Variants in SH3BGRL2 observed in about 807,000 individuals in gnomAD.
The protein encoded by SH3BGRL2 is SH3 domain-binding glutamic acid-rich-like protein 2.
In SH3BGRL2, 21 loss-of-function variants were observed where a neutral mutation model predicts 14.8. That is an observed-to-expected ratio of 1.42 (90% confidence interval 1.01 to 2.05). The LOEUF (loss-of-function observed/expected upper bound fraction) is 2.05, where lower values mean the gene tolerates loss of function less well. Among genes scored for constraint, SH3BGRL2 ranks in the 30% most tolerant of loss-of-function variants. The probability of loss-of-function intolerance (pLI) is 0.00; values close to 1 mark genes in which losing one functional copy is unlikely to be tolerated. For missense variants in SH3BGRL2, 147 were observed against 130.8 expected (o/e 1.12, Z -0.61); for synonymous variants, 50 against 47.8 (o/e 1.05, Z -0.19).
chr6:79,645,973 T>G (rs1029054489), intron 1 of SH3BGRL2, among the ~76,000 whole-genome samples: 1 of 152,242 alleles, frequency 6.6e-6, no homozygotes, highest in Non-Finnish European at 1.5e-5. Context: ...TTGAAAATAG[T>G]TGATCATACC....
intron 1 of SH3BGRL2, among the ~76,000 whole-genome samples, chr6:79,652,319 G>A (rs1295946786): frequency 3.3e-5 from 5 of 152,142 alleles, no homozygotes; most frequent in African/African-American, 9.7e-5. Context: ...CTTTTATAGC[G>A]ACTTTACTGA....
the SH3BGRL2 span, among the ~76,000 whole-genome samples, chr6:79,599,611 T>A: frequency 1.3e-5 from 2 of 152,164 alleles, no homozygotes. Context: ...CCTCAGGTGA[T>A]CCACCCTATA....
At chr6:79,592,828 G>A in the SH3BGRL2 span, among the ~76,000 whole-genome samples, 2 of 152,098 alleles carry the variant, frequency 1.3e-5, no homozygotes, top group South Asian at 2.1e-4. Context: ...TAGATATGAG[G>A]ACCCTGAGAT....
chr6:79,565,617 T>A, the SH3BGRL2 span, among the ~76,000 whole-genome samples: 7 of 152,158 alleles, frequency 4.6e-5, no homozygotes, highest in African/African-American at 1.7e-4. Context: ...TGTGTGGGAT[T>A]TTTCTGAGCA....
chr6:79,563,285 GTA>G, the SH3BGRL2 span, among the ~76,000 whole-genome samples: 1 of 149,858 alleles, frequency 6.7e-6, no homozygotes, highest in Non-Finnish European at 1.5e-5. Context: ...CCTCATTTTT[GTA>G]TTTTTAATAG....
chr6:79,632,266 A>T (rs989348416), intron 1 of SH3BGRL2, among the ~76,000 whole-genome samples: 3 of 152,168 alleles, frequency 2.0e-5, no homozygotes, highest in South Asian at 2.1e-4. Flanking sequence ...GAGAAAAAAA[A>T]TTTTTTTAAA....
At chr6:79,577,928 T>C in the SH3BGRL2 span, among the ~76,000 whole-genome samples, 17 of 152,340 alleles carry the variant, frequency 1.1e-4, no homozygotes, top group African/African-American at 3.8e-4. Flanking sequence ...AATGCAATGC[T>C]TTTCCCAAGG....
At chr6:79,588,386 T>A in the SH3BGRL2 span, among the ~76,000 whole-genome samples, 1 of 151,986 alleles carries the variant, frequency 6.6e-6, no homozygotes, top group Non-Finnish European at 1.5e-5. Flanking sequence ...GTTATTTTAG[T>A]AAGTTGGTAT....
chr6:79,684,947 T>A (rs1020380969), intron 2 of SH3BGRL2, among the ~76,000 whole-genome samples: 18 of 152,196 alleles, frequency 1.2e-4, no homozygotes, highest in African/African-American at 4.3e-4. Flanking sequence ...AGTTGAGTAG[T>A]AGAGAGGGTG....
At chr6:79,560,246 A>G in the SH3BGRL2 span, among the ~76,000 whole-genome samples, 1 of 152,238 alleles carries the variant, frequency 6.6e-6, no homozygotes, top group African/African-American at 2.4e-5. Context: ...GGGGACAAAT[A>G]CAAATCAAAA....
chr6:79,601,565 A>ACCCTTTAAAAC, the SH3BGRL2 span, among the ~76,000 whole-genome samples: 1 of 152,224 alleles, frequency 6.6e-6, no homozygotes, highest in Non-Finnish European at 1.5e-5. Context: ...TCAGCAATTC[A>ACCCTTTAAAAC]AGTGTATTTC....
the SH3BGRL2 span, among the ~76,000 whole-genome samples, chr6:79,559,791 A>G: frequency 9.2e-5 from 14 of 152,208 alleles, no homozygotes; most frequent in Non-Finnish European, 1.6e-4. Flanking sequence ...TATGTATGCA[A>G]CTTCCTCTCA....
chr6:79,613,884 A>T, the SH3BGRL2 span, among the ~76,000 whole-genome samples: 88 of 152,328 alleles, frequency 5.8e-4, no homozygotes, highest in Middle Eastern at 0.01. Flanking sequence ...CCAGGATTAC[A>T]GGTGTGAGCC....
chr6:79,694,841 A>C (rs1422903301), intron 2 of SH3BGRL2, among the ~76,000 whole-genome samples: 1 of 152,094 alleles, frequency 6.6e-6, no homozygotes, highest in Non-Finnish European at 1.5e-5. Flanking sequence ...CTCGGCTGCC[A>C]CCATTGCTTA....
the SH3BGRL2 span, among the ~76,000 whole-genome samples, chr6:79,551,313 T>A: frequency 6.6e-6 from 1 of 152,188 alleles, no homozygotes; most frequent in Non-Finnish European, 1.5e-5. Flanking sequence ...TATTGCAATA[T>A]TCAGGGAGCC....
chr6:79,573,614 T>C, the SH3BGRL2 span, among the ~76,000 whole-genome samples: 5 of 152,340 alleles, frequency 3.3e-5, no homozygotes, highest in African/African-American at 1.2e-4. Flanking sequence ...CGAGTATTTG[T>C]ATCCACATAC....
intron 1 of SH3BGRL2, among the ~76,000 whole-genome samples, chr6:79,658,924 GCTGCATAAATGT>G (rs1206795720): frequency 2.6e-5 from 4 of 152,192 alleles, no homozygotes; most frequent in African/African-American, 9.6e-5. Context: ...GTGTCCGTTG[GCTGCATAAATGT>G]CTTCTTTTGA....
intron 1 of SH3BGRL2, among the ~76,000 whole-genome samples, chr6:79,654,391 A>G (rs1363079310): frequency 6.6e-6 from 1 of 152,214 alleles, no homozygotes; most frequent in Non-Finnish European, 1.5e-5. Context: ...GTTTGACAAT[A>G]TGTGCATTGT....
At chr6:79,552,110 A>G in the SH3BGRL2 span, among the ~76,000 whole-genome samples, 42 of 152,248 alleles carry the variant, frequency 2.8e-4, 1 homozygote, top group Middle Eastern at 0.017. Context: ...AAGTATTTTC[A>G]GGACAAAGGC....
Sources: allele counts gnomAD v4.1 joint callset (sites outside exome capture counted in the v4.1 genomes callset), GRCh38; gene constraint gnomAD v4.1.1; transcripts MANE v1.5; gene names NCBI Gene and HGNC (gene_info 2026-07-23, HGNC 2026-07-21).